WWOX: variants seen among roughly 807,000 people sequenced by gnomAD.
The protein encoded by WWOX is WW domain-containing oxidoreductase.
A neutral mutation model predicts 46.2 loss-of-function variants in WWOX; 69 were observed. The ratio of observed to expected loss-of-function variants is 1.49; its 90% CI spans 1.23 to 1.82. The LOEUF (loss-of-function observed/expected upper bound fraction) is 1.82, where lower values mean the gene tolerates loss of function less well. Ranked by LOEUF, WWOX falls within the 40% of genes most tolerant of loss-of-function variation. The pLI, the probability that WWOX is intolerant of heterozygous loss-of-function variation, is 0.00. For missense variants in WWOX, 919 were observed against 542.6 expected, an observed-to-expected ratio of 1.69 and a Z score of -6.89; for synonymous variants, 359 against 202.6, an observed-to-expected ratio of 1.77 and a Z score of -6.56.
At chr16:78,207,969 C>G (rs995138087) in intron 5 of WWOX, among the ~76,000 whole-genome samples, 1 of 152,100 alleles carries the variant, frequency 6.6e-6, no homozygotes, top group Non-Finnish European at 1.5e-5. Context: ...TTTGCCACCA[C>G]GCCCAGCTAA....
chr16:79,179,212 AAAC>A (rs2050861270), intron 8 of WWOX, among the ~76,000 whole-genome samples: 1 of 152,200 alleles, frequency 6.6e-6, no homozygotes, highest in South Asian at 2.1e-4. Context: ...CAGAGATGTA[AAAC>A]AACGTGTCTA....
chr16:78,253,534 A>G (rs1036182500), intron 5 of WWOX, among the ~76,000 whole-genome samples: 2 of 152,216 alleles, frequency 1.3e-5, no homozygotes, highest in East Asian at 1.9e-4. Flanking sequence ...GTGTTCCAGT[A>G]TCTGCAGAAG....
At chr16:78,556,531 G>C (rs147832224) in intron 8 of WWOX, among the ~76,000 whole-genome samples, 1,550 of 152,178 alleles carry the variant, frequency 0.01, 22 homozygotes, top group Middle Eastern at 0.048. Flanking sequence ...CAATTATAAA[G>C]TATCTACAAT....
chr16:79,026,209 A>G (rs7196995), intron 8 of WWOX, among the ~76,000 whole-genome samples: 2,465 of 151,688 alleles, frequency 0.016, 135 homozygotes, highest in African/African-American at 0.056. Context: ...TATGCCCTAG[A>G]GGCCCTTTTC....
At chr16:79,165,910 T>G (rs773503932) in intron 8 of WWOX, among the ~76,000 whole-genome samples, 2 of 152,228 alleles carry the variant, frequency 1.3e-5, no homozygotes, top group Non-Finnish European at 2.9e-5. Flanking sequence ...AAGGTCATAC[T>G]AATCAACTCA....
At chr16:78,915,684 T>C (rs2045232760) in intron 8 of WWOX, among the ~76,000 whole-genome samples, 1 of 82,446 alleles carries the variant, frequency 1.2e-5, no homozygotes, top group South Asian at 6.3e-4. Flanking sequence ...TGTCTATTCC[T>C]CTCCAAAGCC....
intron 6 of WWOX, among the ~76,000 whole-genome samples, chr16:78,387,498 T>G (rs1365488139): frequency 4.6e-5 from 7 of 152,176 alleles, no homozygotes; most frequent in South Asian, 4.2e-4. Flanking sequence ...GAGAAAGCCT[T>G]AGTTAGGGCC....
At chr16:79,119,401 G>C (rs1166819924) in intron 8 of WWOX, among the ~76,000 whole-genome samples, 1 of 152,210 alleles carries the variant, frequency 6.6e-6, no homozygotes, top group Non-Finnish European at 1.5e-5. Context: ...GTGTATTTTG[G>C]AGAAAGTTGC....
rs555220186 is a variant in WWOX at position 78,867,315 on chromosome 16, C to G, written c.1057-344293C>G. On this transcript the variant is annotated intron_variant, in intron 8 of 8. Transcript: ENST00000566780. ...ACGCCGTCTATTTTCATATCCCTTT[C>G]TATTTTATGTACATATTTATCAATA... 1.5e-3 allele frequency among the ~76,000 whole-genome samples: 226 copies of G among 152,244 alleles called. 1 individual carries two copies. The highest frequency in any genetic ancestry group is 6.6e-3 in the South Asian group (32 of 4,830).
intron 8 of WWOX, among the ~76,000 whole-genome samples, chr16:78,461,569 G>C (rs2083949872): frequency 6.6e-6 from 1 of 152,194 alleles, no homozygotes; most frequent in African/African-American, 2.4e-5. Flanking sequence ...GTCTAACCCA[G>C]TGACAGGTAA....
chr16:78,656,420 G>T (rs541674020), intron 8 of WWOX, among the ~76,000 whole-genome samples: 1 of 152,150 alleles, frequency 6.6e-6, no homozygotes, highest in African/African-American at 2.4e-5. Flanking sequence ...TCATGGTTCC[G>T]CAGGCCATAC....
chr16:78,155,879 G>A (rs2034580350), intron 4 of WWOX, among the ~76,000 whole-genome samples: 1 of 152,190 alleles, frequency 6.6e-6, no homozygotes, highest in Admixed American at 6.5e-5. Context: ...TTAACAGTAG[G>A]TAGCATTATT....
At chr16:78,173,163 T>C (rs1342474918) in intron 5 of WWOX, among the ~76,000 whole-genome samples, 1 of 152,216 alleles carries the variant, frequency 6.6e-6, no homozygotes, top group African/African-American at 2.4e-5. Flanking sequence ...AGCTAATTTT[T>C]ACATATGCAG....
At chr16:78,262,047 G>C (rs912292771) in intron 5 of WWOX, among the ~76,000 whole-genome samples, 22 of 130,360 alleles carry the variant, frequency 1.7e-4, no homozygotes, top group African/African-American at 6.5e-4. Context: ...TTGAGAGCAT[G>C]CCATTGCGCT....
At chr16:78,524,230 G>C (rs1485982089) in intron 8 of WWOX, among the ~76,000 whole-genome samples, 1 of 151,994 alleles carries the variant, frequency 6.6e-6, no homozygotes, top group South Asian at 2.1e-4. Flanking sequence ...GTTTCTAAAG[G>C]CACTTGTCAT....
chr16:78,996,229 A>T (rs1286191378), intron 8 of WWOX: 14 of 985,148 alleles, frequency 1.4e-5, no homozygotes, highest in Non-Finnish European at 1.7e-5. Context: ...TGGATAGAAG[A>T]AGTAACCTTG....
intron 1 of WWOX, among the ~76,000 whole-genome samples, chr16:78,105,456 C>G (rs1413273327): frequency 7.9e-6 from 1 of 126,216 alleles, no homozygotes; most frequent in African/African-American, 3.1e-5. Context: ...GAGACTCTGT[C>G]TCAAAAAAAA....
At chr16:78,507,458 T>G (rs1882958) in intron 8 of WWOX, among the ~76,000 whole-genome samples, 21,662 of 152,198 alleles carry the variant, frequency 0.14, 1,656 homozygotes, top group Non-Finnish European at 0.17. Context: ...CATTTCTGGG[T>G]AACACTTTAG....
chr16:78,799,944 G>C (rs1394175014), intron 8 of WWOX, among the ~76,000 whole-genome samples: 1 of 152,106 alleles, frequency 6.6e-6, no homozygotes, highest in Non-Finnish European at 1.5e-5. Flanking sequence ...TCAGGCACTA[G>C]TTAGGAACTT....
Sources: gnomAD v4.1 joint callset for allele counts (sites outside exome capture counted in the v4.1 genomes callset) on GRCh38, gnomAD v4.1.1 for gene constraint, MANE v1.5 for transcripts, NCBI Gene and HGNC (gene_info 2026-07-23, HGNC 2026-07-21) for gene names.